CEP83: variants seen among roughly 807,000 people sequenced by gnomAD.
CEP83 encodes the protein centrosomal protein 83, also known as centrosomal protein of 83 kDa.
A neutral mutation model predicts 101.9 loss-of-function variants in CEP83; 70 were observed. The observed-to-expected ratio is 0.69, with a 90% CI of 0.57 to 0.84. The LOEUF is 0.84. Ranked by LOEUF, CEP83 falls within the 40% of genes least tolerant of loss-of-function variation. The probability of loss-of-function intolerance (pLI) is 0.00; values close to 1 mark genes in which losing one functional copy is unlikely to be tolerated. For synonymous variants in CEP83, 264 were observed against 267.9 expected (o/e 0.99, Z 0.14); for missense variants, 715 against 787.2 (o/e 0.91, Z 1.10).
chr12:94,401,932 G>A (rs1009819521), intron 5 of CEP83, among the ~76,000 whole-genome samples: 2 of 152,106 alleles, frequency 1.3e-5, no homozygotes, highest in Non-Finnish European at 2.9e-5. Context: ...TTCTACAACT[G>A]TTTTGGGCAA....
In CEP83 at chr12:94,424,458, T is replaced by A. The variant is rs2065028382; in HGVS notation, c.-102+10817A>T. 40 of 1,613,930 alleles carry A rather than the reference T, an allele frequency of 2.5e-5. 1 individual carries two copies. In the South Asian group the frequency reaches 4.3e-4, roughly 17 times the overall value. On this transcript the variant is annotated intron_variant, in intron 2 of 16. Coordinates refer to ENST00000397809, the MANE Select transcript of CEP83 (RefSeq NM_016122.3). ...AAGCCAACACCTCTGCTGGTCCCACTGGTATCTCGAAGGATACGGGTGGAG... is the reference window on the plus strand; with the variant it reads ...AAGCCAACACCTCTGCTGGTCCCACAGGTATCTCGAAGGATACGGGTGGAG...
At chr12:94,329,648 T>C (rs1412880664) in intron 14 of CEP83, among the ~76,000 whole-genome samples, 2 of 152,194 alleles carry the variant, frequency 1.3e-5, no homozygotes, top group African/African-American at 2.4e-5. Context: ...CTCTTAAAAT[T>C]TCTTGCTGTA....
In CEP83 at chr12:94,441,687, G is replaced by A. The variant is rs541501622; in HGVS notation, c.-154-6360C>T. ...TCCCAGCACTTTGGGAGGCCGAGGC[G>A]GGTGGATCACAAGGCCAGGAGATCA... On this transcript the variant is annotated intron_variant, in intron 1 of 16. Transcript: ENST00000397809. Among the ~76,000 whole-genome samples, 79 of 152,186 alleles carry A rather than the reference G, an allele frequency of 5.2e-4. 1 individual carries two copies. Among genetic ancestry groups the A allele is most frequent in the South Asian group, 3.5e-3 (17 of 4,820 alleles).
At chr12:94,300,805 A>G in the CEP83 span, 2 of 1,009,870 alleles carry the variant, frequency 2.0e-6, no homozygotes, top group Non-Finnish European at 2.9e-6. Context: ...AGAGTTGTAT[A>G]CTTCAATAAC....
rs546643365 is a variant in CEP83, at chr12:94,355,020, A to C, written c.1343+12774T>G. On this transcript the variant is annotated intron_variant, in intron 11 of 16. Transcript: ENST00000397809. The stretch of plus-strand genomic sequence containing the variant: ...CGTCTCAAAAACACAAAACAAAAAA[A>C]AACAGAAAAATTTCTTAAAAACAAA... Among the ~76,000 whole-genome samples the C allele has an allele frequency of 3.3e-5, 5 of 152,098 alleles. No individual in the cohort carries two copies. The East Asian group carries it at 9.7e-4, about 29-fold the overall frequency.
chr12:94,380,218 A>G (rs1036170976), intron 6 of CEP83, among the ~76,000 whole-genome samples: 2 of 152,194 alleles, frequency 1.3e-5, no homozygotes, highest in African/African-American at 4.8e-5. Context: ...ACCCCAGGGC[A>G]GGATCTGTTC....
At chr12:94,318,175 C>A (rs117154689) in intron 14 of CEP83, among the ~76,000 whole-genome samples, 3,366 of 152,004 alleles carry the variant, frequency 0.022, 54 homozygotes, top group Non-Finnish European at 0.035. Flanking sequence ...TTATTTTGTG[C>A]AATTGTGAAT....
intron 4 of CEP83, among the ~76,000 whole-genome samples, chr12:94,407,355 A>C (rs1385117570): frequency 6.6e-6 from 1 of 152,222 alleles, no homozygotes; most frequent in African/African-American, 2.4e-5. Flanking sequence ...ACCAGCAATA[A>C]AGAGAACAGC....
intron 6 of CEP83, among the ~76,000 whole-genome samples, chr12:94,383,228 T>C (rs1288463261): frequency 2.0e-5 from 3 of 152,106 alleles, no homozygotes; most frequent in Non-Finnish European, 4.4e-5. Flanking sequence ...TATAGCTTTG[T>C]ATATCCTTTT....
At chr12:94,399,435 C>T (rs1371294354) in intron 6 of CEP83, among the ~76,000 whole-genome samples, 1 of 152,264 alleles carries the variant, frequency 6.6e-6, no homozygotes, top group East Asian at 1.9e-4. Context: ...AAGGGCTGGG[C>T]ACGATAGTCT....
rs373876269 is a variant in CEP83 at position 94,368,143 on chromosome 12, T to C, written c.1107A>G (p.Leu369=). Residue 369 remains leucine, a synonymous_variant, in exon 10 of 17, where the codon TTA becomes TTG. Coordinates refer to ENST00000397809, the MANE Select transcript of CEP83 (RefSeq NM_016122.3). ...KAAVEHHKVL[L]VEKDRELIRK... Reference sequence around the variant, plus strand: ...GTATTAATTCACGATCCTTTTCTACTAAGAGCACTTTGTGATGTTCAACAG... The same window carrying C: ...GTATTAATTCACGATCCTTTTCTACCAAGAGCACTTTGTGATGTTCAACAG... The C allele has an allele frequency of 1.2e-6, 2 of 1,612,706 alleles. No homozygotes were observed. Among genetic ancestry groups the C allele is most frequent in the African/African-American group, 2.7e-5 (2 of 74,920 alleles).
In CEP83 at chr12:94,353,732, G is replaced by GA. The variant is rs35963595; in HGVS notation, c.1343+14061dup. Among the ~76,000 whole-genome samples, 886 of 134,224 alleles carry GA rather than the reference G, an allele frequency of 6.6e-3. 6 individuals are homozygous for GA. The highest frequency in any genetic ancestry group is 0.02 in the African/African-American group (737 of 36,680). The allele number at this position is 134,224 out of a possible 152,430, so 88.1% of individuals were successfully genotyped here. ...TACATAGTCTGAAAACGAAGTGGGG[G>GA]AAAAAAAAAAAAACACTCCATGCAA... On this transcript the variant is annotated intron_variant, in intron 11 of 16. Transcript: ENST00000397809.
rs1185014622 is a variant in CEP83 at position 94,403,160 on chromosome 12, A to G, written c.417+10T>C. On this transcript the variant is annotated intron_variant, in intron 5 of 16. Transcript: ENST00000397809. ...GGATAAATGCATAGTAAACAACATA[A>G]GTTACTTACTTCATCTAGATTCCTA... The G allele has an allele frequency of 1.7e-5, 22 of 1,314,822 alleles. No homozygotes were observed. Among genetic ancestry groups the G allele is most frequent in the Non-Finnish European group, 2.3e-5 (21 of 910,270 alleles). 81.4% of individuals were successfully genotyped at this position (1,314,822 alleles called of 1,614,324 possible).
intron 8 of CEP83, among the ~76,000 whole-genome samples, chr12:94,375,042 T>C (rs1164683986): frequency 6.6e-6 from 1 of 152,186 alleles, no homozygotes; most frequent in Non-Finnish European, 1.5e-5. Context: ...TTTGAGTACC[T>C]ACTATGTGCC....
the CEP83 span, among the ~76,000 whole-genome samples, chr12:94,285,254 C>T: frequency 6.6e-6 from 1 of 152,148 alleles, no homozygotes; most frequent in Admixed American, 6.5e-5. Flanking sequence ...CAGGTCTGCA[C>T]CAGGAAGGAC....
At chr12:94,333,338 T>C in intron 13 of CEP83, 144 bp downstream of exon 13, 1 of 639,844 alleles carries the variant, frequency 1.6e-6, no homozygotes, top group Non-Finnish European at 2.6e-6. Flanking sequence ...AAGTACATTA[T>C]TACCTCAGTA....
chr12:94,420,507 T>C (rs370307255), intron 2 of CEP83, among the ~76,000 whole-genome samples: 2 of 152,240 alleles, frequency 1.3e-5, no homozygotes, highest in Non-Finnish European at 1.5e-5. Flanking sequence ...CAGCCTATGA[T>C]GGCTTTGAAC....
At chr12:94,311,474 G>A (rs548042139) in intron 15 of CEP83, among the ~76,000 whole-genome samples, 2 of 152,278 alleles carry the variant, frequency 1.3e-5, no homozygotes, top group Admixed American at 1.3e-4. Flanking sequence ...CTGAAGTGGG[G>A]GGCAGTCTTG....
rs564366343 is a variant in CEP83, at chr12:94,358,511, TAAGTA to T, written c.1343+9278_1343+9282del. ...CCAATTTGGATAGAACAATGGCTGCTAAGTAAAGAGAAACTGGAGGCTTTAGAGAA... is the reference window on the plus strand; with the variant it reads ...CCAATTTGGATAGAACAATGGCTGCTAAGAGAAACTGGAGGCTTTAGAGAA... On this transcript the variant is annotated intron_variant, in intron 11 of 16. Coordinates refer to ENST00000397809, the MANE Select transcript of CEP83 (RefSeq NM_016122.3). 2.4e-4 allele frequency among the ~76,000 whole-genome samples: 36 copies of T among 152,332 alleles called. 2 individuals carry two copies. The South Asian group carries it at 7.2e-3, about 31-fold the overall frequency.
Sources: allele counts gnomAD v4.1 joint callset (sites outside exome capture counted in the v4.1 genomes callset), GRCh38; gene constraint gnomAD v4.1.1; transcripts MANE v1.5; gene names NCBI Gene and HGNC (gene_info 2026-07-23, HGNC 2026-07-21).